ADAMTS12: variants seen among roughly 807,000 people sequenced by gnomAD.
ADAMTS12 encodes the protein A disintegrin and metalloproteinase with thrombospondin motifs 12.
ADAMTS12 carries 118 observed loss-of-function variants against 167.8 expected under a neutral mutation model. That is an observed-to-expected ratio of 0.70 (90% CI 0.61 to 0.82). The LOEUF (loss-of-function observed/expected upper bound fraction) is 0.82, where lower values mean the gene tolerates loss of function less well. Ranked by LOEUF, ADAMTS12 falls within the 40% of genes least tolerant of loss-of-function variation. ADAMTS12 has a pLI of 0.00. For synonymous variants in ADAMTS12, 704 were observed against 716.9 expected (o/e 0.98, Z 0.29); for missense variants, 1,916 against 1,998.8 (o/e 0.96, Z 0.79).
chr5:33,874,692 G>T (rs1243433202), intron 2 of ADAMTS12, among the ~76,000 whole-genome samples: 1 of 152,188 alleles, frequency 6.6e-6, no homozygotes, highest in East Asian at 1.9e-4. Flanking sequence ...ATGTCTTTCA[G>T]TAGGTGAATG....
At chr5:33,549,455 G>A (rs550337602) in intron 20 of ADAMTS12, 72 bp from the exon 21 acceptor site, 13 of 1,530,722 alleles carry the variant, frequency 8.5e-6, no homozygotes, top group Middle Eastern at 1.7e-4. Flanking sequence ...CCCCTCAGCC[G>A]TGGAGGCGCC....
chr5:33,713,556 T>C (rs4400128), intron 3 of ADAMTS12, among the ~76,000 whole-genome samples: 92,806 of 151,876 alleles, frequency 0.61, 29,538 homozygotes, highest in Non-Finnish European at 0.69. Context: ...GATTTATATA[T>C]AGCCTGCTTT....
intron 17 of ADAMTS12, among the ~76,000 whole-genome samples, chr5:33,591,284 T>C (rs1747625649): frequency 6.6e-6 from 1 of 152,182 alleles, no homozygotes; most frequent in Non-Finnish European, 1.5e-5. Context: ...TAGCTTCTAC[T>C]GATTCCCCTA....
At chr5:33,583,865 A>G (rs558282182) in intron 18 of ADAMTS12, among the ~76,000 whole-genome samples, 1 of 152,260 alleles carries the variant, frequency 6.6e-6, no homozygotes, top group African/African-American at 2.4e-5. Context: ...TTATTCACTG[A>G]GGGTAACATT....
intron 4 of ADAMTS12, among the ~76,000 whole-genome samples, chr5:33,683,548 C>T (rs1327242388): frequency 6.6e-6 from 1 of 152,180 alleles, no homozygotes; most frequent in African/African-American, 2.4e-5. Flanking sequence ...CCTCAGTTTA[C>T]TCCTTCGGTT....
chr5:33,675,907 ACTATGATGG>A (rs1487019647), intron 5 of ADAMTS12, among the ~76,000 whole-genome samples: 1 of 152,170 alleles, frequency 6.6e-6, no homozygotes, highest in Non-Finnish European at 1.5e-5. Context: ...CTTCAGAGAG[ACTATGATGG>A]CTCACAATAA....
At chr5:33,711,672 A>G (rs527740286) in intron 3 of ADAMTS12, among the ~76,000 whole-genome samples, 1 of 152,256 alleles carries the variant, frequency 6.6e-6, no homozygotes, top group African/African-American at 2.4e-5. Flanking sequence ...GAGTATGATC[A>G]TTGCTTCCCT....
intron 2 of ADAMTS12, among the ~76,000 whole-genome samples, chr5:33,866,469 T>C (rs1749826352): frequency 6.6e-6 from 1 of 152,106 alleles, no homozygotes; most frequent in Non-Finnish European, 1.5e-5. Context: ...AAGACTTAAA[T>C]TTAAGACCTG....
chr5:33,533,288 C>T (rs1347688172), intron 23 of ADAMTS12, among the ~76,000 whole-genome samples: 1 of 152,106 alleles, frequency 6.6e-6, no homozygotes, highest in East Asian at 1.9e-4. Context: ...AAAAATAACA[C>T]AACATAGAAG....
intron 20 of ADAMTS12, among the ~76,000 whole-genome samples, chr5:33,553,702 G>A (rs947957431): frequency 1.3e-5 from 2 of 152,154 alleles, no homozygotes; most frequent in African/African-American, 2.4e-5. Flanking sequence ...ACCACACACT[G>A]GGGCCTAACA....
intron 18 of ADAMTS12, among the ~76,000 whole-genome samples, chr5:33,578,654 T>C (rs947235822): frequency 6.6e-6 from 1 of 152,252 alleles, no homozygotes; most frequent in African/African-American, 2.4e-5. Flanking sequence ...ATTAAGTTCC[T>C]TGCCTTCTCA....
At chr5:33,736,753 G>C (rs968664927) in intron 3 of ADAMTS12, among the ~76,000 whole-genome samples, 8 of 152,128 alleles carry the variant, frequency 5.3e-5, no homozygotes, top group African/African-American at 1.9e-4. Context: ...CAGTTATAGG[G>C]AGCATGACTC....
intron 2 of ADAMTS12, among the ~76,000 whole-genome samples, chr5:33,872,331 G>A (rs1397727438): frequency 6.6e-6 from 1 of 152,070 alleles, no homozygotes; most frequent in Non-Finnish European, 1.5e-5. Context: ...GGATCACGAG[G>A]TCAGGAGTTC....
intron 19 of ADAMTS12, among the ~76,000 whole-genome samples, chr5:33,570,908 C>G (rs1746302820): frequency 6.6e-6 from 1 of 151,028 alleles, no homozygotes; most frequent in South Asian, 2.1e-4. Context: ...GAAGATCTAC[C>G]AAGCAAATGG....
At chr5:33,848,114 G>A (rs1749015032) in intron 2 of ADAMTS12, among the ~76,000 whole-genome samples, 2 of 152,086 alleles carry the variant, frequency 1.3e-5, no homozygotes, top group Admixed American at 1.3e-4. Context: ...CCACTCAGGA[G>A]GCTGAGGCAG....
chr5:33,668,715 C>A (rs1741564223), intron 5 of ADAMTS12, among the ~76,000 whole-genome samples: 1 of 152,120 alleles, frequency 6.6e-6, no homozygotes, highest in East Asian at 1.9e-4. Context: ...AACTCCTGAC[C>A]CCAAGTGATC....
intron 5 of ADAMTS12, among the ~76,000 whole-genome samples, chr5:33,675,229 C>T (rs565317232): frequency 6.6e-6 from 1 of 152,176 alleles, no homozygotes; most frequent in Non-Finnish European, 1.5e-5. Context: ...TAGTTCTTGA[C>T]AGGAATAAGG....
intron 2 of ADAMTS12, among the ~76,000 whole-genome samples, chr5:33,818,349 A>G (rs908534693): frequency 2.0e-5 from 3 of 152,148 alleles, no homozygotes; most frequent in African/African-American, 7.2e-5. Flanking sequence ...GCCACATATA[A>G]GTGACATCAT....
chr5:33,596,188 G>T, intron 16 of ADAMTS12, 128 bp from the exon 17 acceptor site: 1 of 1,206,600 alleles, frequency 8.3e-7, no homozygotes, highest in East Asian at 2.4e-5. Context: ...AAAGTTACTT[G>T]GTTTTAAAGG....
Sources: gnomAD v4.1 joint callset for allele counts (sites outside exome capture counted in the v4.1 genomes callset) on GRCh38, gnomAD v4.1.1 for gene constraint, MANE v1.5 for transcripts, NCBI Gene and HGNC (gene_info 2026-07-23, HGNC 2026-07-21) for gene names.